SLC71A1: variants seen among roughly 807,000 people sequenced by gnomAD.
SLC71A1 encodes the protein solute carrier family 71 member 1, also known as hippocampus abundant gene transcript 1.
chr1:100,046,222 T>G, the SLC71A1 span, among the ~76,000 whole-genome samples: 366 of 98,890 alleles, frequency 3.7e-3, no homozygotes, highest in African/African-American at 0.016. Flanking sequence ...GTTTTTTTTT[T>G]TTTTTTTTTT....
At chr1:100,049,175 C>T in the SLC71A1 span, among the ~76,000 whole-genome samples, 1 of 152,184 alleles carries the variant, frequency 6.6e-6, no homozygotes, top group African/African-American at 2.4e-5. Context: ...CTTAAGACAT[C>T]TCTGGCAGCG....
At chr1:100,056,159 CCT>C in the SLC71A1 span, among the ~76,000 whole-genome samples, 50 of 152,262 alleles carry the variant, frequency 3.3e-4, no homozygotes, top group African/African-American at 1.2e-3. Flanking sequence ...CACTAACCAT[CCT>C]CTCTCCCACT....
chr1:100,069,113 C>T, the SLC71A1 span, among the ~76,000 whole-genome samples: 2 of 152,222 alleles, frequency 1.3e-5, no homozygotes, highest in South Asian at 4.1e-4. Context: ...AGATATTTGG[C>T]TTAGGGAGAA....
At chr1:100,058,335 C>T in the SLC71A1 span, among the ~76,000 whole-genome samples, 1 of 152,174 alleles carries the variant, frequency 6.6e-6, no homozygotes, top group African/African-American at 2.4e-5. Context: ...GCTTTCAAGT[C>T]TGATCTCTTA....
the SLC71A1 span, among the ~76,000 whole-genome samples, chr1:100,074,044 G>A: frequency 3.9e-5 from 6 of 152,150 alleles, no homozygotes; most frequent in Admixed American, 6.6e-5. Flanking sequence ...ATGTAAATAA[G>A]AGAAAAGTTC....
the SLC71A1 span, among the ~76,000 whole-genome samples, chr1:100,038,687 C>T: frequency 6.6e-6 from 1 of 152,100 alleles, no homozygotes; most frequent in Non-Finnish European, 1.5e-5. Context: ...CTCGCCTTCG[C>T]CGCCAGGCCC....
At chr1:100,062,931 A>AG in the SLC71A1 span, among the ~76,000 whole-genome samples, 2 of 151,454 alleles carry the variant, frequency 1.3e-5, no homozygotes, top group Non-Finnish European at 2.9e-5. Flanking sequence ...AAAAAAAAAA[A>AG]AAAAGTGAAA....
the SLC71A1 span, among the ~76,000 whole-genome samples, chr1:100,043,833 CACTT>C: frequency 2.0e-5 from 3 of 152,344 alleles, no homozygotes; most frequent in South Asian, 6.2e-4. Context: ...CTGAATTACT[CACTT>C]AGAATAATGG....
chr1:100,048,271 C>T, the SLC71A1 span, among the ~76,000 whole-genome samples: 1 of 152,024 alleles, frequency 6.6e-6, no homozygotes, highest in Admixed American at 6.6e-5. Context: ...CTCTGCCTCC[C>T]AGGTTCAAGC....
chr1:100,064,727 CTTT>C, the SLC71A1 span, among the ~76,000 whole-genome samples: 7 of 142,436 alleles, frequency 4.9e-5, no homozygotes, highest in Admixed American at 7.0e-5. Flanking sequence ...GTCTCTTTTC[CTTT>C]TTTTTTTTTT....
the SLC71A1 span, among the ~76,000 whole-genome samples, chr1:100,077,637 A>G: frequency 6.6e-6 from 1 of 152,196 alleles, no homozygotes; most frequent in African/African-American, 2.4e-5. Context: ...TCTGGTCAGG[A>G]AAAAGAAAGT....
the SLC71A1 span, among the ~76,000 whole-genome samples, chr1:100,045,912 A>C: frequency 2.0e-5 from 3 of 152,266 alleles, no homozygotes; most frequent in African/African-American, 7.2e-5. Context: ...TTTTAGATTT[A>C]AGTCTTTAAT....
the SLC71A1 span, among the ~76,000 whole-genome samples, chr1:100,073,814 C>A: frequency 1.3e-5 from 2 of 152,174 alleles, no homozygotes; most frequent in African/African-American, 4.8e-5. Context: ...ATCAGCTATG[C>A]CATCTTGCTT....
chr1:100,040,310 C>T, the SLC71A1 span, among the ~76,000 whole-genome samples: 1 of 151,978 alleles, frequency 6.6e-6, no homozygotes, highest in Non-Finnish European at 1.5e-5. Context: ...CAATAAATAT[C>T]AGGGGAATAT....
At chr1:100,046,168 T>A in the SLC71A1 span, among the ~76,000 whole-genome samples, 795 of 151,466 alleles carry the variant, frequency 5.2e-3, 10 homozygotes, top group African/African-American at 0.018. Context: ...ACTATCACTT[T>A]GTAGTATAAT....
At chr1:100,047,409 GATGA>G in the SLC71A1 span, among the ~76,000 whole-genome samples, 4 of 152,228 alleles carry the variant, frequency 2.6e-5, no homozygotes, top group East Asian at 5.8e-4. Flanking sequence ...ACTTGAACAT[GATGA>G]ATGATTTTTT....
the SLC71A1 span, chr1:100,082,249 C>G: frequency 2.0e-6 from 3 of 1,505,702 alleles, no homozygotes; most frequent in South Asian, 3.4e-5. Flanking sequence ...GCACCCAGGT[C>G]TTAGTTTTCA....
chr1:100,038,636 C>T, the SLC71A1 span, among the ~76,000 whole-genome samples: 5 of 152,000 alleles, frequency 3.3e-5, no homozygotes, highest in African/African-American at 9.7e-5. Flanking sequence ...GGGGCTCCCC[C>T]GGCGGCCCGC....
chr1:100,048,996 C>T, the SLC71A1 span, among the ~76,000 whole-genome samples: 1 of 152,168 alleles, frequency 6.6e-6, no homozygotes, highest in African/African-American at 2.4e-5. Flanking sequence ...CTCCCAATTT[C>T]AAATCCTGAA....
Sources: allele counts gnomAD v4.1 joint callset (sites outside exome capture counted in the v4.1 genomes callset), GRCh38; gene constraint gnomAD v4.1.1; transcripts MANE v1.5; gene names NCBI Gene and HGNC (gene_info 2026-07-23, HGNC 2026-07-21).